The following NCKAP1L variants were observed in gnomAD, a reference collection of about 807,000 sequenced individuals.
NCKAP1L encodes nck-associated protein 1-like.
In NCKAP1L, 53 loss-of-function variants were observed where a neutral mutation model predicts 139.2. That is an observed-to-expected ratio of 0.38 (90% CI 0.31 to 0.48). The LOEUF is 0.48. Ranked by LOEUF, NCKAP1L falls within the 20% of genes least tolerant of loss-of-function variation. The pLI, the probability that NCKAP1L is intolerant of heterozygous loss-of-function variation, is 0.98. For missense variants in NCKAP1L, 1,151 were observed against 1,381.9 expected (o/e 0.83, Z 2.65); for synonymous variants, 468 against 499.7 (o/e 0.94, Z 0.85).
chr12:54,532,405 A>C (rs1316490617), intron 26 of NCKAP1L, among the ~76,000 whole-genome samples, 155 bp downstream of exon 26: 1 of 152,112 alleles, frequency 6.6e-6, no homozygotes, highest in East Asian at 1.9e-4. Flanking sequence ...ATATTCTTGG[A>C]GAGAAAGAGC....
chr12:54,518,694 C>T lies in NCKAP1L; in HGVS notation c.1382C>T (p.Ser461Leu). The stretch of plus-strand genomic sequence containing the variant: ...GAGGAGGAGTCCATCATCATGTCCT[C>T]ATTCGTCAGTATCCTCTCCTCTCTG... ...CPEEESIIMS[S>L]FVSILSSLNL... Residue 461 changes from serine (S) to leucine (L), a missense_variant, in exon 14 of 31, where the codon TCA (serine) becomes TTA (leucine). Physicochemically the swap from Ser to Leu is moderately radical, Grantham distance 145. Coordinates refer to ENST00000293373, the MANE Select transcript of NCKAP1L (RefSeq NM_005337.5). 2 of 1,614,100 alleles carry T rather than the reference C, an allele frequency of 1.2e-6. No individual in the cohort carries two copies. Among genetic ancestry groups the T allele is most frequent in the Non-Finnish European group, 1.7e-6 (2 of 1,179,966 alleles).
At chr12:54,521,015 A>G in intron 17 of NCKAP1L, 104 bp from the exon 18 acceptor site, 1 of 1,549,240 alleles carries the variant, frequency 6.5e-7, no homozygotes, top group Non-Finnish European at 8.8e-7. Flanking sequence ...AGGAATGGGT[A>G]GGAATCTTCT....
chr12:54,518,881 T>C, intron 14 of NCKAP1L, 33 bp from the exon 15 acceptor site: 1 of 1,593,048 alleles, frequency 6.3e-7, no homozygotes, highest in Non-Finnish European at 8.6e-7. Flanking sequence ...GTGCTGTTTA[T>C]TGTTTCCTTT....
Position 54,536,666 on chromosome 12 carries a change from A to G in NCKAP1L, c.3074-278A>G, listed in dbSNP as rs550854210. ...AGCAAGACCCTGTCTTTAAAAAAAG[A>G]AAAAAAAAAGAAAAGAAAAGGAACA... On this transcript the variant is annotated intron_variant, in intron 28 of 30. Coordinates refer to ENST00000293373, the MANE Select transcript of NCKAP1L (RefSeq NM_005337.5). 21 of 309,632 alleles carry G rather than the reference A, an allele frequency of 6.8e-5. No individual in the cohort carries two copies. The South Asian group carries it at 7.4e-4, about 11-fold the overall frequency. The allele number at this position is 309,632 out of a possible 1,614,324, so 19.2% of individuals were successfully genotyped here.
chr12:54,521,085 T>A (rs1441665465), intron 17 of NCKAP1L, 34 bp from the exon 18 acceptor site: 8 of 1,613,386 alleles, frequency 5.0e-6, no homozygotes, highest in Non-Finnish European at 5.1e-6. Flanking sequence ...GTGCTGGTGA[T>A]GACAGTCTCT....
At chr12:54,529,449 T>C (rs1957050977) in intron 22 of NCKAP1L, among the ~76,000 whole-genome samples, 1 of 152,186 alleles carries the variant, frequency 6.6e-6, no homozygotes, top group Non-Finnish European at 1.5e-5. Context: ...TCCATATAAA[T>C]CAGGGACGCT....
At chr12:54,524,307 C>G (rs1957009952) in intron 20 of NCKAP1L, among the ~76,000 whole-genome samples, 1 of 152,176 alleles carries the variant, frequency 6.6e-6, no homozygotes, top group Non-Finnish European at 1.5e-5. Flanking sequence ...GAACCAGTTT[C>G]TTTCCTTGTA....
chr12:54,517,759 C>A (rs1165668577), intron 12 of NCKAP1L, 47 bp from the exon 13 acceptor site: 1 of 1,609,980 alleles, frequency 6.2e-7, no homozygotes, highest in Non-Finnish European at 8.5e-7. Context: ...TGTCTCAGTT[C>A]ATATTTCTAG....
chr12:54,507,272 C>T (rs151133479), intron 3 of NCKAP1L, among the ~76,000 whole-genome samples: 27 of 152,182 alleles, frequency 1.8e-4, no homozygotes, highest in African/African-American at 6.0e-4. Flanking sequence ...AATAAAAGTG[C>T]ATATTAATTT....
At chr12:54,506,824 T>TATATATA (rs71070825) in intron 3 of NCKAP1L, among the ~76,000 whole-genome samples, 15 of 137,776 alleles carry the variant, frequency 1.1e-4, no homozygotes, top group South Asian at 2.3e-4. Flanking sequence ...TATATATATA[T>TATATATA]TCCTTAATCT....
At chr12:54,537,941 T>C (rs1189935086) in intron 29 of NCKAP1L, among the ~76,000 whole-genome samples, 1 of 152,184 alleles carries the variant, frequency 6.6e-6, no homozygotes, top group Non-Finnish European at 1.5e-5. Flanking sequence ...CTGGGAAAAC[T>C]CAGAACAAAT....
chr12:54,525,161 G>A (rs1957017001), intron 20 of NCKAP1L, among the ~76,000 whole-genome samples: 2 of 152,126 alleles, frequency 1.3e-5, no homozygotes, highest in Non-Finnish European at 1.5e-5. Flanking sequence ...TAAGGACTTC[G>A]GCTTTTATTC....
intron 3 of NCKAP1L, among the ~76,000 whole-genome samples, chr12:54,507,150 GA>G (rs1956847985): frequency 6.6e-6 from 1 of 151,848 alleles, no homozygotes. Context: ...TAAATAGGGA[GA>G]AAAATAAGAA....
chr12:54,524,947 G>A (rs1157279332), intron 20 of NCKAP1L, among the ~76,000 whole-genome samples: 1 of 152,130 alleles, frequency 6.6e-6, no homozygotes, highest in Non-Finnish European at 1.5e-5. Flanking sequence ...AGAAAGCCAC[G>A]CATGTAACTA....
chr12:54,520,306 C>G (rs1188305167), intron 16 of NCKAP1L, among the ~76,000 whole-genome samples: 1 of 152,068 alleles, frequency 6.6e-6, no homozygotes, highest in Admixed American at 6.5e-5. Context: ...TTTTCTGGAG[C>G]CTGAGTGTTA....
At position 54,518,898 on chromosome 12, in the gene NCKAP1L, TC is replaced by T. The variant is rs1202911191; in HGVS notation, c.1421-14del. 3 of 1,611,632 alleles carry T rather than the reference TC, an allele frequency of 1.9e-6. No homozygotes were observed. On this transcript the variant is annotated splice_polypyrimidine_tract_variant and intron_variant, in intron 14 of 30. Coordinates refer to ENST00000293373, the MANE Select transcript of NCKAP1L (RefSeq NM_005337.5). The stretch of plus-strand genomic sequence containing the variant: ...GCTGTTTATTGTTTCCTTTTATACT[TC>T]CGTTTTTCTTGCAGTTGATAATGGA...
chr12:54,515,746 T>C (rs999769421), intron 9 of NCKAP1L, among the ~76,000 whole-genome samples: 5 of 152,138 alleles, frequency 3.3e-5, no homozygotes, highest in African/African-American at 1.2e-4. Flanking sequence ...GAAGGAGAGA[T>C]TAAAGTATTA....
chr12:54,510,785 G>A (rs1365879645), intron 7 of NCKAP1L, among the ~76,000 whole-genome samples: 1 of 151,742 alleles, frequency 6.6e-6, no homozygotes, highest in Admixed American at 6.6e-5. Context: ...GCCTCCCAAA[G>A]TGCTGGGATT....
intron 5 of NCKAP1L, 145 bp from the exon 6 acceptor site, chr12:54,509,524 T>C (rs1795845): frequency 0.42 from 265,173 of 624,176 alleles, 60,783 homozygotes; most frequent in East Asian, 0.8. Context: ...GGTATCTTTA[T>C]ATGTAATTTA....
Sources: allele counts gnomAD v4.1 joint callset (sites outside exome capture counted in the v4.1 genomes callset), GRCh38; gene constraint gnomAD v4.1.1; transcripts MANE v1.5; gene names NCBI Gene and HGNC (gene_info 2026-07-23, HGNC 2026-07-21).